Variants in HACL1 observed in about 807,000 individuals in gnomAD.
HACL1 encodes the protein 1600020H07Rik.
In HACL1, 64 loss-of-function variants were observed where a neutral mutation model predicts 74.2. That is an observed-to-expected ratio of 0.86 (90% CI 0.70 to 1.06). The LOEUF (loss-of-function observed/expected upper bound fraction) is 1.06. HACL1 is among the 50% of genes least tolerant of loss of function. The probability of loss-of-function intolerance (pLI) is 0.00; values close to 1 mark genes in which losing one functional copy is unlikely to be tolerated. For synonymous variants in HACL1, 230 were observed against 238.8 expected (o/e 0.96, Z 0.34); for missense variants, 728 against 719.7 (o/e 1.01, Z -0.13).
chr3:15,594,438 T>A (rs1009193149), intron 3 of HACL1, among the ~76,000 whole-genome samples: 1 of 152,168 alleles, frequency 6.6e-6, no homozygotes, highest in Admixed American at 6.5e-5. Flanking sequence ...GTTTTACCCT[T>A]CAGTGTGACT....
intron 2 of HACL1, among the ~76,000 whole-genome samples, chr3:15,598,077 T>G (rs1003836497): frequency 2.0e-5 from 3 of 151,278 alleles, no homozygotes; most frequent in Non-Finnish European, 2.9e-5. Context: ...CAGGCTGGAG[T>G]GCAATGATGC....
intron 9 of HACL1, among the ~76,000 whole-genome samples, chr3:15,576,854 A>T (rs1478214776): frequency 1.3e-5 from 2 of 152,208 alleles, no homozygotes; most frequent in Admixed American, 1.3e-4. Flanking sequence ...CATACTCAAA[A>T]ATCATCTTTA....
intron 3 of HACL1, 90 bp from the exon 4 acceptor site, chr3:15,591,770 C>A: frequency 2.7e-6 from 2 of 748,724 alleles, no homozygotes; most frequent in Non-Finnish European, 4.6e-6. Flanking sequence ...TCTTGGACTT[C>A]AAAGGAAGGA....
In HACL1 at chr3:15,591,506, A is replaced by G. The variant is rs2063893335; in HGVS notation, c.308+94T>C. 16 of 648,280 alleles carry G rather than the reference A, an allele frequency of 2.5e-5. No homozygotes were observed. In the South Asian group the frequency reaches 2.9e-4, roughly 12 times the overall value. 40.2% of individuals were successfully genotyped at this position (648,280 alleles called of 1,614,324 possible). A position where few individuals can be genotyped will look rare whatever the true frequency, so the allele number is the denominator to read the frequency against. On this transcript the variant is annotated intron_variant, in intron 4 of 16. Coordinates refer to ENST00000321169, the MANE Select transcript of HACL1 (RefSeq NM_012260.4). ...GAATTGAAGGGGTTTTTTTTTTCCA[A>G]GTCTTTCTACCCTAGATCAGCATTA...
At chr3:15,576,270 A>C (rs906932845) in intron 9 of HACL1, among the ~76,000 whole-genome samples, 1 of 151,522 alleles carries the variant, frequency 6.6e-6, no homozygotes, top group South Asian at 2.1e-4. Context: ...ATGTTTTCTC[A>C]ATTGCTAGAT....
intron 5 of HACL1, among the ~76,000 whole-genome samples, chr3:15,587,757 T>G (rs2063819449): frequency 6.6e-6 from 1 of 152,190 alleles, no homozygotes; most frequent in East Asian, 1.9e-4. Context: ...GATTCCCTTC[T>G]AAGAGTATAA....
chr3:15,579,796 G>A, intron 9 of HACL1, 114 bp downstream of exon 9: 1 of 743,308 alleles, frequency 1.3e-6, no homozygotes, highest in Non-Finnish European at 2.2e-6. Context: ...AAACAGGTAT[G>A]CTTAAAATTC....
intron 12 of HACL1, among the ~76,000 whole-genome samples, chr3:15,569,773 TCGTGTCATTGCACTCCAGCCTGGGCAAC>T (rs2063494159): frequency 6.7e-6 from 1 of 149,938 alleles, no homozygotes; most frequent in Non-Finnish European, 1.5e-5. Context: ...TGAGCCAAGC[TCGTGTCATTGCACTCCAGCCTGGGCAAC>T]AAAAGCAAGA....
intron 7 of HACL1, among the ~76,000 whole-genome samples, chr3:15,584,315 C>T (rs980784982): frequency 6.6e-6 from 1 of 152,090 alleles, no homozygotes; most frequent in Admixed American, 6.6e-5. Flanking sequence ...CCTGGCTGGG[C>T]ACGGTGGCTC....
rs373816179 is a variant in HACL1, at chr3:15,571,706, G to C, written c.1057C>G (p.Leu353Val). 6.5e-7 allele frequency: 1 copy of C among 1,547,208 alleles called. No homozygotes were observed. Among genetic ancestry groups the C allele is most frequent in the Non-Finnish European group, 8.9e-7 (1 of 1,123,322 alleles). The change falls in exon 12 of 17, where the codon CTG becomes GTG. Residue 353 changes from leucine (L) to valine (V), a missense_variant. Physicochemically the swap from Leu to Val is conservative, Grantham distance 32 (BLOSUM62 1). Transcript: ENST00000321169. ...YPPESKWWKT[L>V]REKMKSNEAA... ...TCATTGCTCTTCATTTTTTCTCTCA[G>C]AGTTTTCCACCACTTGCTCTCTGGA...
chr3:15,598,005 T>C (rs943225743), intron 2 of HACL1, among the ~76,000 whole-genome samples: 1 of 151,812 alleles, frequency 6.6e-6, no homozygotes, highest in African/African-American at 2.4e-5. Context: ...TGTTTTGTTT[T>C]ATTTTGTTTT....
chr3:15,569,651 G>C (rs1172051813), intron 12 of HACL1, among the ~76,000 whole-genome samples: 1 of 152,020 alleles, frequency 6.6e-6, no homozygotes, highest in Non-Finnish European at 1.5e-5. Context: ...GAGAAGCTCT[G>C]TCTCTATTAA....
At chr3:15,570,529 A>G (rs562321832) in intron 12 of HACL1, among the ~76,000 whole-genome samples, 6 of 151,652 alleles carry the variant, frequency 4.0e-5, no homozygotes, top group African/African-American at 1.4e-4. Flanking sequence ...AATCACGCAT[A>G]AGACACAGAA....
At chr3:15,598,554 C>T (rs1030231252) in intron 2 of HACL1, among the ~76,000 whole-genome samples, 1 of 152,158 alleles carries the variant, frequency 6.6e-6, no homozygotes, top group African/African-American at 2.4e-5. Flanking sequence ...GAAATCAGTT[C>T]GTATGTGTAA....
At chr3:15,578,620 T>G (rs1370201683) in intron 9 of HACL1, among the ~76,000 whole-genome samples, 2 of 151,988 alleles carry the variant, frequency 1.3e-5, no homozygotes, top group Non-Finnish European at 2.9e-5. Context: ...TGGGGGGAAA[T>G]GTCAGATTTT....
At chr3:15,598,457 T>G (rs2064114032) in intron 2 of HACL1, among the ~76,000 whole-genome samples, 1 of 152,220 alleles carries the variant, frequency 6.6e-6, no homozygotes, top group Non-Finnish European at 1.5e-5. Context: ...CTTCCCCACT[T>G]TCTACTGTGT....
intron 14 of HACL1, among the ~76,000 whole-genome samples, chr3:15,564,936 G>A (rs2063407727): frequency 6.6e-6 from 1 of 152,174 alleles, no homozygotes. Flanking sequence ...GGAGGCTGAG[G>A]TGGGCGGATC....
chr3:15,584,082 T>C (rs79767674), intron 7 of HACL1, among the ~76,000 whole-genome samples: 4,156 of 152,318 alleles, frequency 0.027, 83 homozygotes, highest in Non-Finnish European at 0.043. Flanking sequence ...TCATTTATTC[T>C]AATTAATATA....
chr3:15,571,653 T>G lies in HACL1; in HGVS notation c.1095+15A>C. 2 of 1,043,790 alleles carry G rather than the reference T, an allele frequency of 1.9e-6. No homozygotes were observed. Among genetic ancestry groups the G allele is most frequent in the Non-Finnish European group, 3.0e-6 (2 of 660,154 alleles). 64.7% of individuals were successfully genotyped at this position (1,043,790 alleles called of 1,614,324 possible). On this transcript the variant is annotated intron_variant, in intron 12 of 16. Transcript: ENST00000321169. ...AGCCTGACCTGTTATTGAGCGTCAG[T>G]AGGTCCGATTTTACCTTGGATGCAG...
Sources: allele counts gnomAD v4.1 joint callset (sites outside exome capture counted in the v4.1 genomes callset), GRCh38; gene constraint gnomAD v4.1.1; transcripts MANE v1.5; gene names NCBI Gene and HGNC (gene_info 2026-07-23, HGNC 2026-07-21).